ALX4: variants seen among roughly 807,000 people sequenced by gnomAD.
ALX4 encodes the protein ALX homeobox 4.
In ALX4, 22 loss-of-function variants were observed where a neutral mutation model predicts 40.6. The ratio of observed to expected loss-of-function variants is 0.54; its 90% CI spans 0.39 to 0.77. The LOEUF (loss-of-function observed/expected upper bound fraction) is 0.77, where lower values mean the gene tolerates loss of function less well. ALX4 is among the 30% of genes least tolerant of loss of function. ALX4 has a pLI of 0.00. For missense variants in ALX4, 556 were observed against 564.8 expected, an observed-to-expected ratio of 0.98 and a Z score of 0.16; for synonymous variants, 266 against 240.5, an observed-to-expected ratio of 1.11 and a Z score of -0.98.
chr11:44,267,360 C>T lies in ALX4; in HGVS notation c.906+134G>A, dbSNP rs189591080. The T allele has an allele frequency of 1.1e-3, 1,277 of 1,198,168 alleles. 3 individuals carry two copies. The highest frequency in any genetic ancestry group is 1.7e-3 in the Middle Eastern group (6 of 3,510). 74.2% of individuals were successfully genotyped at this position (1,198,168 alleles called of 1,614,324 possible). On this transcript the variant is annotated intron_variant, in intron 3 of 3. Transcript: ENST00000652299. ...TCCCACACTCTGGTATAAACAGGCA[C>T]ACCCCTGGAATGAGACGGAAGGGCA...
intron 2 of ALX4, among the ~76,000 whole-genome samples, chr11:44,274,357 C>T (rs7940170): frequency 0.57 from 84,910 of 149,450 alleles, 24,230 homozygotes; most frequent in Admixed American, 0.64. Flanking sequence ...TTGGAAGGGG[C>T]TGCATTAGGT....
chr11:44,303,918 G>A (rs927322866), intron 1 of ALX4, among the ~76,000 whole-genome samples: 2 of 152,344 alleles, frequency 1.3e-5, no homozygotes, highest in African/African-American at 4.8e-5. Flanking sequence ...AGATGGGGGT[G>A]TCCCCGGTTT....
chr11:44,308,993 C>T (rs1246581110), intron 1 of ALX4, among the ~76,000 whole-genome samples: 2 of 152,260 alleles, frequency 1.3e-5, no homozygotes, highest in African/African-American at 4.8e-5. Flanking sequence ...TCTCTGGCTC[C>T]GCACTGTGTT....
chr11:44,303,289 A>C (rs1022127509), intron 1 of ALX4, among the ~76,000 whole-genome samples: 2 of 152,202 alleles, frequency 1.3e-5, no homozygotes, highest in Non-Finnish European at 2.9e-5. Flanking sequence ...AATCCGATGA[A>C]GCAAGCACTG....
intron 1 of ALX4, among the ~76,000 whole-genome samples, chr11:44,293,164 GA>G (rs1565007522): frequency 0.41 from 13,433 of 32,456 alleles, 3,387 homozygotes; most frequent in South Asian, 0.5. Flanking sequence ...AGGAAGGAAG[GA>G]AGGAAGCAGG....
At chr11:44,277,342 A>C (rs1324961006) in intron 1 of ALX4, among the ~76,000 whole-genome samples, 2 of 152,234 alleles carry the variant, frequency 1.3e-5, no homozygotes, top group East Asian at 3.8e-4. Flanking sequence ...AGGGCAGCCA[A>C]CTGGGTGTCT....
At chr11:44,300,437 G>A (rs1370117326) in intron 1 of ALX4, among the ~76,000 whole-genome samples, 1 of 152,156 alleles carries the variant, frequency 6.6e-6, no homozygotes, top group East Asian at 1.9e-4. Flanking sequence ...AGGTGTGAAT[G>A]GATCCTTGTG....
At position 44,261,992 on chromosome 11, in the gene ALX4, T is replaced by C. The variant is rs975504163; in HGVS notation, c.*2862A>G. 1 of 152,302 alleles carries C rather than the reference T, an allele frequency of 6.6e-6. No homozygotes were observed. The highest frequency in any genetic ancestry group is 1.5e-5 in the Non-Finnish European group (1 of 68,084). The allele number at this position is 152,302 out of a possible 1,614,324, so 9.4% of individuals were successfully genotyped here. On this transcript the variant is annotated 3_prime_UTR_variant, in exon 4 of 4. Coordinates refer to ENST00000652299, the MANE Select transcript of ALX4 (RefSeq NM_021926.4). ...GAAGGTTGGGCCTAGCCACCTGTCTTGGAAGGGACTGGGCCCCAAGGTTCT... is the reference window on the plus strand; with the variant it reads ...GAAGGTTGGGCCTAGCCACCTGTCTCGGAAGGGACTGGGCCCCAAGGTTCT...
At chr11:44,288,600 A>C (rs1956352461) in intron 1 of ALX4, among the ~76,000 whole-genome samples, 1 of 152,056 alleles carries the variant, frequency 6.6e-6, no homozygotes, top group Non-Finnish European at 1.5e-5. Flanking sequence ...CGTTGCAATA[A>C]AAATCACAAG....
intron 1 of ALX4, among the ~76,000 whole-genome samples, chr11:44,277,130 C>T (rs1414189548): frequency 6.6e-6 from 1 of 152,174 alleles, no homozygotes; most frequent in Non-Finnish European, 1.5e-5. Flanking sequence ...TAGGATCTTC[C>T]TCATAGGGTA....
At chr11:44,273,668 G>A (rs1041901342) in intron 2 of ALX4, among the ~76,000 whole-genome samples, 4 of 152,122 alleles carry the variant, frequency 2.6e-5, no homozygotes, top group African/African-American at 9.7e-5. Context: ...AGACAAAATA[G>A]GAGTTGGGCA....
At chr11:44,275,301 G>A in intron 2 of ALX4, 47 bp downstream of exon 2, 6 of 1,596,780 alleles carry the variant, frequency 3.8e-6, no homozygotes, top group Admixed American at 1.7e-5. Context: ...AGAGCCCAGG[G>A]ACAGGCTCTG....
chr11:44,294,007 G>A (rs1283816366), intron 1 of ALX4, among the ~76,000 whole-genome samples: 1 of 152,018 alleles, frequency 6.6e-6, no homozygotes, highest in Non-Finnish European at 1.5e-5. Flanking sequence ...CCCTCCCAGT[G>A]CACCCCCTCC....
At chr11:44,280,103 A>G (rs892730417) in intron 1 of ALX4, among the ~76,000 whole-genome samples, 1 of 152,216 alleles carries the variant, frequency 6.6e-6, no homozygotes, top group Non-Finnish European at 1.5e-5. Flanking sequence ...ATACATTGAA[A>G]AAGGGCACGC....
At chr11:44,284,244 T>C (rs1053929660) in intron 1 of ALX4, among the ~76,000 whole-genome samples, 1 of 152,046 alleles carries the variant, frequency 6.6e-6, no homozygotes, top group Non-Finnish European at 1.5e-5. Context: ...CTGGTCTGAA[T>C]TAATTTTCTA....
chr11:44,299,312 A>G (rs1330823468), intron 1 of ALX4, among the ~76,000 whole-genome samples: 1 of 150,338 alleles, frequency 6.7e-6, no homozygotes, highest in East Asian at 2.0e-4. Flanking sequence ...TGTCTTCTGC[A>G]TCCCCGGTTG....
chr11:44,274,544 G>A (rs1956266899), intron 2 of ALX4, among the ~76,000 whole-genome samples: 1 of 152,104 alleles, frequency 6.6e-6, no homozygotes, highest in Non-Finnish European at 1.5e-5. Flanking sequence ...ATTGGGTTGT[G>A]TTGTGTTGGA....
chr11:44,303,744 A>C (rs2119900355), intron 1 of ALX4, among the ~76,000 whole-genome samples: 1 of 152,318 alleles, frequency 6.6e-6, no homozygotes, highest in African/African-American at 2.4e-5. Flanking sequence ...GGGCCGGTGC[A>C]ACTAGGGGGC....
At chr11:44,301,978 G>A (rs1046375162) in intron 1 of ALX4, among the ~76,000 whole-genome samples, 1 of 152,132 alleles carries the variant, frequency 6.6e-6, no homozygotes, top group Admixed American at 6.5e-5. Flanking sequence ...TGACGCGGGG[G>A]GTGGTTGGGC....
Sources: gnomAD v4.1 joint callset for allele counts (sites outside exome capture counted in the v4.1 genomes callset) on GRCh38, gnomAD v4.1.1 for gene constraint, MANE v1.5 for transcripts, NCBI Gene and HGNC (gene_info 2026-07-23, HGNC 2026-07-21) for gene names.